NF2: variants seen among roughly 807,000 people sequenced by gnomAD.
The protein encoded by NF2 is merlin.
A neutral mutation model predicts 83.7 loss-of-function variants in NF2; 8 were observed. That is an observed-to-expected ratio of 0.10 (90% confidence interval 0.06 to 0.17). The LOEUF is 0.17. Ranked by LOEUF, NF2 falls within the 10% of genes least tolerant of loss-of-function variation. The pLI is 1.00. For synonymous variants in NF2, 266 were observed against 269.6 expected, an observed-to-expected ratio of 0.99 and a Z score of 0.13; for missense variants, 533 against 744.4, an observed-to-expected ratio of 0.72 and a Z score of 3.31.
intron 12 of NF2, 55 bp downstream of exon 12, chr22:29,673,541 C>T: frequency 6.4e-6 from 10 of 1,552,434 alleles, no homozygotes; most frequent in Non-Finnish European, 7.0e-6. Flanking sequence ...GGCCGCAGAC[C>T]AGCCTGCCCT....
At chr22:29,646,280 G>A (rs1283277123) in intron 4 of NF2, among the ~76,000 whole-genome samples, 2 of 152,198 alleles carry the variant, frequency 1.3e-5, no homozygotes, top group African/African-American at 2.4e-5. Flanking sequence ...CTTCTCGATG[G>A]AGAGGATTTC....
intron 1 of NF2, among the ~76,000 whole-genome samples, chr22:29,614,193 C>G (rs1197361090): frequency 6.6e-6 from 1 of 151,662 alleles, no homozygotes; most frequent in East Asian, 2.0e-4. Context: ...CCTGTAATCC[C>G]AGCACTTTGG....
intron 3 of NF2, among the ~76,000 whole-genome samples, chr22:29,639,967 C>T (rs1342846942): frequency 6.8e-6 from 1 of 147,940 alleles, no homozygotes; most frequent in Middle Eastern, 3.3e-3. Flanking sequence ...GAGGCTGAGG[C>T]GGGCAGATCA....
intron 1 of NF2, among the ~76,000 whole-genome samples, chr22:29,632,255 G>A (rs2065534137): frequency 2.0e-5 from 3 of 152,178 alleles, no homozygotes; most frequent in Non-Finnish European, 2.9e-5. Context: ...CTGTAAGGAC[G>A]ACTGACCTCT....
rs537998421 is a variant in NF2, at chr22:29,686,674, A to T, written c.1737+5073A>T. 2.0e-5 allele frequency among the ~76,000 whole-genome samples: 3 copies of T among 152,274 alleles called. No individual in the cohort carries two copies. In the East Asian group the frequency reaches 5.8e-4, roughly 29 times the overall value. On this transcript the variant is annotated intron_variant, in intron 15 of 15. Coordinates refer to ENST00000338641, the MANE Select transcript of NF2 (RefSeq NM_000268.4). ...TAAATAAATAGCCATAATTAACTTCACTGTTTCCTTGTAATATTTCACTTG... is the reference window on the plus strand; with the variant it reads ...TAAATAAATAGCCATAATTAACTTCTCTGTTTCCTTGTAATATTTCACTTG...
At chr22:29,663,245 G>A (rs577249933) in intron 8 of NF2, among the ~76,000 whole-genome samples, 5 of 152,186 alleles carry the variant, frequency 3.3e-5, no homozygotes, top group East Asian at 1.9e-4. Context: ...TTTATTGCAC[G>A]TCCACACATT....
intron 2 of NF2, among the ~76,000 whole-genome samples, chr22:29,638,598 C>T (rs181566584): frequency 8.7e-4 from 132 of 152,206 alleles, no homozygotes; most frequent in African/African-American, 2.6e-3. Flanking sequence ...GTGATCCACC[C>T]GCTGTGGCCT....
chr22:29,616,936 T>G (rs963636996), intron 1 of NF2, among the ~76,000 whole-genome samples: 2 of 144,990 alleles, frequency 1.4e-5, no homozygotes, highest in African/African-American at 5.1e-5. Context: ...TTTTTGGGGG[T>G]TTTTTTTTTT....
chr22:29,614,966 T>C lies in NF2; in HGVS notation c.114+10854T>C, dbSNP rs140519563. On this transcript the variant is annotated intron_variant, in intron 1 of 15. Coordinates refer to ENST00000338641, the MANE Select transcript of NF2 (RefSeq NM_000268.4). Reference sequence around the variant, plus strand: ...TGGGAGGCTGAGGCAGGTGGACTGCTTGAGGACAGGAGTTCAAGACTACCT... The same window carrying C: ...TGGGAGGCTGAGGCAGGTGGACTGCCTGAGGACAGGAGTTCAAGACTACCT... Among the ~76,000 whole-genome samples, 4 of 152,184 alleles carry C rather than the reference T, an allele frequency of 2.6e-5. No individual in the cohort carries two copies. The East Asian group carries it at 7.7e-4, about 29-fold the overall frequency.
chr22:29,678,193 C>T lies in NF2; in HGVS notation c.1447-3C>T, dbSNP rs1257986245. On this transcript the variant is annotated splice_polypyrimidine_tract_variant and splice_region_variant and intron_variant, in intron 13 of 15. Coordinates refer to ENST00000338641, the MANE Select transcript of NF2 (RefSeq NM_000268.4). ...CTCCTAATCCGAAATTTCTCATTAA[C>T]AGCCCATGAACCCAATTCCAGCACC... 6.2e-7 allele frequency: 1 copy of T among 1,613,978 alleles called. No individual in the cohort carries two copies. Among genetic ancestry groups the T allele is most frequent in the East Asian group, 2.2e-5 (1 of 44,882 alleles).
At chr22:29,670,451 G>C (rs1400696768) in intron 10 of NF2, among the ~76,000 whole-genome samples, 1 of 151,468 alleles carries the variant, frequency 6.6e-6, no homozygotes, top group African/African-American at 2.4e-5. Flanking sequence ...GGAGAAAATT[G>C]GAGAAGAACT....
chr22:29,674,659 T>A lies in NF2; in HGVS notation c.1341-177T>A, dbSNP rs184616659. On this transcript the variant is annotated intron_variant, in intron 12 of 15. Transcript: ENST00000338641. ...CTCAAACAAAAGTCCTCAGGAATGT[T>A]GTCCTTGCTTGGAAGTTCTGATTTC... 1.2e-4 allele frequency among the ~76,000 whole-genome samples: 19 copies of A among 152,362 alleles called. 1 individual carries two copies. Among genetic ancestry groups the A allele is most frequent in the African/African-American group, 4.6e-4 (19 of 41,594 alleles).
chr22:29,604,074 A>G lies in NF2; in HGVS notation c.76A>G (p.Ile26Val), dbSNP rs2064716753. 4 of 1,607,820 alleles carry G rather than the reference A, an allele frequency of 2.5e-6. No individual in the cohort carries two copies. The highest frequency in any genetic ancestry group is 1.1e-5 in the South Asian group (1 of 89,804). The change falls in exon 1 of 16, where the codon ATC becomes GTC. Residue 26 changes from isoleucine to valine, a missense_variant. Physicochemically the swap from Ile to Val is conservative, Grantham distance 29 (BLOSUM62 3). Around this residue, in one of 3 missense-constraint regions of NF2, gnomAD observed 326 missense variants for 475.1 expected, o/e 0.69. Transcript: ENST00000338641. ...GCAACCCAAGACGTTCACCGTGAGGATCGTCACCATGGACGCCGAGATGGA... is the reference window on the plus strand; with the variant it reads ...GCAACCCAAGACGTTCACCGTGAGGGTCGTCACCATGGACGCCGAGATGGA... ...RKQPKTFTVRIVTMDAEMEFN... is the reference protein window; with the variant it reads ...RKQPKTFTVRVVTMDAEMEFN...
chr22:29,692,817 G>A (rs775815491), intron 15 of NF2, among the ~76,000 whole-genome samples: 8 of 152,228 alleles, frequency 5.3e-5, no homozygotes, highest in African/African-American at 9.6e-5. Flanking sequence ...CCCACCATGC[G>A]CCAGGTGCAG....
chr22:29,683,211 T>C, intron 15 of NF2: 3 of 1,597,520 alleles, frequency 1.9e-6, no homozygotes, highest in Non-Finnish European at 2.6e-6. Context: ...GCAGCATGCT[T>C]TGAGTCTAAA....
At chr22:29,693,736 C>T (rs2067468244) in intron 15 of NF2, among the ~76,000 whole-genome samples, 2 of 152,176 alleles carry the variant, frequency 1.3e-5, no homozygotes, top group South Asian at 4.1e-4. Flanking sequence ...TCATAGCCCA[C>T]GTCCTGGTCG....
rs1601637089 is a variant in NF2 at position 29,668,425 on chromosome 22, G to A, written c.978G>A (p.Arg326=). 4 of 1,613,788 alleles carry A rather than the reference G, an allele frequency of 2.5e-6. No individual in the cohort carries two copies. The highest frequency in any genetic ancestry group is 1.7e-4 in the Middle Eastern group (1 of 6,060). ...LEVQQMKAQA[R]EEKARKQMER... Reference sequence around the variant, plus strand: ...TTCAGCAGATGAAAGCCCAGGCCAGGGAGGAGAAGGCTAGAAAGCAGGTGA... The same window carrying A: ...TTCAGCAGATGAAAGCCCAGGCCAGAGAGGAGAAGGCTAGAAAGCAGGTGA... Residue 326 remains arginine, a synonymous_variant, in exon 10 of 16, where the codon AGG becomes AGA. Coordinates refer to ENST00000338641, the MANE Select transcript of NF2 (RefSeq NM_000268.4).
chr22:29,685,143 G>A (rs1406207811), intron 15 of NF2, among the ~76,000 whole-genome samples: 2 of 151,606 alleles, frequency 1.3e-5, no homozygotes, highest in East Asian at 1.9e-4. Flanking sequence ...TTTGAGACAC[G>A]GTCTCCCTCT....
chr22:29,634,608 T>C (rs1465499326), intron 1 of NF2, among the ~76,000 whole-genome samples: 2 of 152,238 alleles, frequency 1.3e-5, no homozygotes, highest in South Asian at 2.1e-4. Context: ...CTTGATCTTC[T>C]CAACCCTTGG....
Sources: gnomAD v4.1 joint callset for allele counts (sites outside exome capture counted in the v4.1 genomes callset) on GRCh38, gnomAD v4.1.1 for gene constraint, gnomAD v4.1.1 regional missense constraint, MANE v1.5 for transcripts, NCBI Gene and HGNC (gene_info 2026-07-23, HGNC 2026-07-21) for gene names.